Variants in HMBOX1 observed in about 807,000 individuals in gnomAD.
The protein encoded by HMBOX1 is homeobox containing 1, also known as homeobox-containing protein 1.
HMBOX1 carries 14 observed loss-of-function variants against 54.5 expected under a neutral mutation model. The ratio of observed to expected loss-of-function variants is 0.26; its 90% confidence interval spans 0.17 to 0.40. The LOEUF (loss-of-function observed/expected upper bound fraction) is 0.40. Ranked by LOEUF, HMBOX1 falls within the 10% of genes least tolerant of loss-of-function variation. The pLI is 1.00. For missense variants in HMBOX1, 332 were observed against 514.4 expected, an observed-to-expected ratio of 0.65 and a Z score of 3.43; for synonymous variants, 160 against 181.0, an observed-to-expected ratio of 0.88 and a Z score of 0.93.
chr8:29,041,908 G>A (rs936894270), intron 6 of HMBOX1, among the ~76,000 whole-genome samples: 4 of 152,130 alleles, frequency 2.6e-5, no homozygotes. Flanking sequence ...ATATTAATCA[G>A]GCATTGGAGG....
At chr8:28,945,366 G>T (rs1460097865) in intron 1 of HMBOX1, among the ~76,000 whole-genome samples, 1 of 152,196 alleles carries the variant, frequency 6.6e-6, no homozygotes, top group Non-Finnish European at 1.5e-5. Context: ...ATACACAGCA[G>T]TCTTGCTTAA....
At chr8:28,940,300 A>AC (rs1821144201) in intron 1 of HMBOX1, among the ~76,000 whole-genome samples, 2 of 152,190 alleles carry the variant, frequency 1.3e-5, no homozygotes, top group South Asian at 4.1e-4. Context: ...AGCCCACCGC[A>AC]CCTGGCCTGT....
At chr8:29,045,268 A>G (rs1476823217) in intron 6 of HMBOX1, 93 bp from the exon 7 acceptor site, 4 of 943,226 alleles carry the variant, frequency 4.2e-6, no homozygotes, top group Non-Finnish European at 6.9e-6. Flanking sequence ...TGAGTGTGGC[A>G]TCTTACAGAA....
chr8:28,971,833 C>T (rs1381815119), intron 3 of HMBOX1, among the ~76,000 whole-genome samples: 1 of 152,022 alleles, frequency 6.6e-6, no homozygotes, highest in Non-Finnish European at 1.5e-5. Flanking sequence ...CAGTAGATTT[C>T]CACTACAGTA....
At chr8:28,960,798 T>G (rs1176423249) in intron 1 of HMBOX1, among the ~76,000 whole-genome samples, 1 of 97,512 alleles carries the variant, frequency 1.0e-5, no homozygotes, top group African/African-American at 4.1e-5. Context: ...TTTTTTTTTT[T>G]TTTTTTGGAG....
chr8:28,996,656 G>A (rs904600740), intron 4 of HMBOX1, among the ~76,000 whole-genome samples: 4 of 152,166 alleles, frequency 2.6e-5, no homozygotes, highest in Non-Finnish European at 5.9e-5. Flanking sequence ...TTTGCTTTTA[G>A]TATCATAGCT....
chr8:29,007,385 A>G (rs773445756), intron 4 of HMBOX1, among the ~76,000 whole-genome samples: 1 of 152,216 alleles, frequency 6.6e-6, no homozygotes, highest in Non-Finnish European at 1.5e-5. Context: ...ATCCAGAATA[A>G]TTTGCATTTT....
intron 4 of HMBOX1, among the ~76,000 whole-genome samples, chr8:28,988,243 G>A (rs1467485190): frequency 6.6e-6 from 1 of 152,128 alleles, no homozygotes; most frequent in South Asian, 2.1e-4. Flanking sequence ...CGTGAGTGTT[G>A]TTACATGTTT....
At chr8:28,969,996 G>C in intron 2 of HMBOX1, 47 bp from the exon 3 acceptor site, 1 of 1,147,110 alleles carries the variant, frequency 8.7e-7, no homozygotes, top group Non-Finnish European at 1.3e-6. Flanking sequence ...ATGTGCTTTG[G>C]TAGATACTGT....
intron 1 of HMBOX1, among the ~76,000 whole-genome samples, chr8:28,952,978 A>G (rs1458889756): frequency 1.3e-5 from 2 of 152,222 alleles, no homozygotes; most frequent in East Asian, 1.9e-4. Context: ...TAGCAGAACT[A>G]CAGTTCTGCT....
rs552077890 is a variant in HMBOX1 at position 29,022,284 on chromosome 8, AGG to A, written c.851+3373_851+3374del. Among the ~76,000 whole-genome samples the A allele has an allele frequency of 2.3e-3, 348 of 151,076 alleles. 6 individuals carry two copies. The highest frequency in any genetic ancestry group is 5.0e-4 in the Non-Finnish European group (34 of 67,588). On this transcript the variant is annotated intron_variant, in intron 6 of 9. Transcript: ENST00000287701. ...ATACAAAAAATTAGCAAGGCGTGGT[AGG>A]GCATGCCTGTAGTCCCAGCCACTCG...
rs554581259 is a variant in HMBOX1, at chr8:28,902,511, T to C, written c.-58+11833T>C. On this transcript the variant is annotated intron_variant, in intron 1 of 9. Coordinates refer to ENST00000287701, the MANE Select transcript of HMBOX1 (RefSeq NM_001135726.3). ...TGCACATGGGGTATGCTTGCTTCAG[T>C]AATTTCAGTCATCTGAGCTAGCTTA... Among the ~76,000 whole-genome samples, 6 of 152,270 alleles carry C rather than the reference T, an allele frequency of 3.9e-5. No homozygotes were observed. The South Asian group carries it at 1.0e-3, about 26-fold the overall frequency.
Position 28,961,836 on chromosome 8 carries a change from C to T in HMBOX1, c.-57-1975C>T, listed in dbSNP as rs569066159. ...TTCCATTTTCTCCACATTATTGCCA[C>T]ACTTGTTATTTTATGTTTATTTTTA... is the stretch of plus-strand genomic sequence containing the variant. On this transcript the variant is annotated intron_variant, in intron 1 of 9. Transcript: ENST00000287701. Among the ~76,000 whole-genome samples the T allele has an allele frequency of 2.6e-5, 4 of 151,466 alleles. No individual in the cohort carries two copies. In the East Asian group the frequency reaches 7.7e-4, roughly 29 times the overall value.
chr8:28,979,179 G>T (rs1405528553), intron 3 of HMBOX1, among the ~76,000 whole-genome samples: 3 of 152,164 alleles, frequency 2.0e-5, no homozygotes, highest in African/African-American at 7.2e-5. Flanking sequence ...CTCTGTTTAT[G>T]TAATCCTTTT....
intron 6 of HMBOX1, among the ~76,000 whole-genome samples, chr8:29,023,210 A>G (rs1316743065): frequency 6.6e-6 from 1 of 152,224 alleles, no homozygotes; most frequent in Non-Finnish European, 1.5e-5. Flanking sequence ...AAAGAGAAAT[A>G]TAAAATCAAA....
chr8:28,919,093 A>G (rs956810776), intron 1 of HMBOX1, among the ~76,000 whole-genome samples: 1 of 152,228 alleles, frequency 6.6e-6, no homozygotes, highest in Non-Finnish European at 1.5e-5. Flanking sequence ...ATTTTTCTCC[A>G]TTGGTGAAGG....
intron 1 of HMBOX1, among the ~76,000 whole-genome samples, chr8:28,946,668 T>C (rs1370856826): frequency 6.6e-6 from 1 of 152,204 alleles, no homozygotes; most frequent in African/African-American, 2.4e-5. Context: ...GATATAAATT[T>C]AGCTCATTTA....
chr8:28,919,708 A>G (rs1309037677), intron 1 of HMBOX1, among the ~76,000 whole-genome samples: 1 of 152,226 alleles, frequency 6.6e-6, no homozygotes, highest in Non-Finnish European at 1.5e-5. Flanking sequence ...TCATAGTAAT[A>G]CACAATACCC....
At chr8:28,993,299 G>T (rs894002948) in intron 4 of HMBOX1, among the ~76,000 whole-genome samples, 1 of 152,038 alleles carries the variant, frequency 6.6e-6, no homozygotes, top group Non-Finnish European at 1.5e-5. Flanking sequence ...TATTCTTTAA[G>T]ATATACATAC....
Sources: allele counts gnomAD v4.1 joint callset (sites outside exome capture counted in the v4.1 genomes callset), GRCh38; gene constraint gnomAD v4.1.1; transcripts MANE v1.5; gene names NCBI Gene and HGNC (gene_info 2026-07-23, HGNC 2026-07-21).